Variants in DDR2 observed in about 807,000 individuals in gnomAD.
DDR2 encodes discoidin domain-containing receptor 2.
Under a neutral mutation model 94.9 loss-of-function variants are expected in DDR2, and 27 were observed. That is an observed-to-expected ratio of 0.28 (90% CI 0.21 to 0.39). The LOEUF (loss-of-function observed/expected upper bound fraction) is 0.39, where lower values mean the gene tolerates loss of function less well. Among genes scored for constraint, DDR2 ranks in the 10% least tolerant of loss-of-function variants. DDR2 has a pLI of 1.00. For missense variants in DDR2, 783 were observed against 1,076.0 expected (o/e 0.73, Z 3.81); for synonymous variants, 382 against 377.2 (o/e 1.01, Z -0.15).
chr1:162,663,955 C>T (rs566562387), intron 2 of DDR2, among the ~76,000 whole-genome samples: 5 of 151,930 alleles, frequency 3.3e-5, no homozygotes, highest in Non-Finnish European at 4.4e-5. Flanking sequence ...GCCCTGTACT[C>T]GGAAATGCAA....
intron 2 of DDR2, among the ~76,000 whole-genome samples, chr1:162,681,124 A>G (rs1361333146): frequency 6.6e-6 from 1 of 152,160 alleles, no homozygotes; most frequent in Non-Finnish European, 1.5e-5. Context: ...ACAGTGTCTT[A>G]ACCTTCCTGG....
intron 17 of DDR2, 111 bp from the exon 18 acceptor site, chr1:162,780,001 A>G (rs1647806008): frequency 1.3e-6 from 2 of 1,517,544 alleles, no homozygotes; most frequent in African/African-American, 2.7e-5. Flanking sequence ...AGTTCAAGAA[A>G]GTGGGCAGGG....
intron 3 of DDR2, among the ~76,000 whole-genome samples, chr1:162,737,973 G>C (rs1472040178): frequency 6.6e-6 from 1 of 151,908 alleles, no homozygotes; most frequent in Admixed American, 6.6e-5. Context: ...AGAAGTGTCC[G>C]TTCATGACAA....
Position 162,673,608 on chromosome 1 carries a change from TGAGAGAGAGAGAGAGA to T in DDR2, c.-28+18257_-28+18272del, listed in dbSNP as rs10684469. Among the ~76,000 whole-genome samples, 304 of 117,244 alleles carry T rather than the reference TGAGAGAGAGAGAGAGA, an allele frequency of 2.6e-3. 1 individual carries two copies. Among genetic ancestry groups the T allele is most frequent in the African/African-American group, 8.5e-3 (282 of 33,266 alleles). 76.9% of individuals were successfully genotyped at this position (117,244 alleles called of 152,430 possible). The stretch of plus-strand genomic sequence containing the variant: ...GTGTGTGTGTGTATGTGTGTGTGTG[TGAGAGAGAGAGAGAGA>T]GAGAGAGAGAGAGAGAGAGAGACAG... On this transcript the variant is annotated intron_variant, in intron 2 of 17. Coordinates refer to ENST00000367921, the MANE Select transcript of DDR2 (RefSeq NM_006182.4).
intron 1 of DDR2, among the ~76,000 whole-genome samples, chr1:162,635,254 C>A (rs1365165176): frequency 2.0e-5 from 3 of 152,158 alleles, no homozygotes; most frequent in Admixed American, 6.5e-5. Context: ...AGTGAATTTA[C>A]TTCAAACCTT....
chr1:162,713,919 T>A (rs1437052970), intron 2 of DDR2, among the ~76,000 whole-genome samples: 1 of 152,174 alleles, frequency 6.6e-6, no homozygotes, highest in Non-Finnish European at 1.5e-5. Flanking sequence ...AATTTATATA[T>A]CCAGCAGCAG....
intron 2 of DDR2, among the ~76,000 whole-genome samples, chr1:162,700,667 C>A (rs1660391406): frequency 6.6e-6 from 1 of 152,136 alleles, no homozygotes; most frequent in Admixed American, 6.6e-5. Context: ...TTAAAGCATA[C>A]ATTGTAACCA....
intron 1 of DDR2, among the ~76,000 whole-genome samples, chr1:162,651,710 A>T (rs1183259390): frequency 6.6e-6 from 1 of 152,228 alleles, no homozygotes; most frequent in Admixed American, 6.5e-5. Flanking sequence ...TAAAACAATA[A>T]TCTATTGAAA....
chr1:162,759,630 C>G (rs568470349), intron 7 of DDR2, among the ~76,000 whole-genome samples, 166 bp from the exon 8 acceptor site: 6 of 152,092 alleles, frequency 3.9e-5, no homozygotes. Flanking sequence ...GCAAGATAAA[C>G]GAGTCAATAC....
intron 12 of DDR2, 61 bp from the exon 13 acceptor site, chr1:162,771,963 T>G (rs1338614234): frequency 2.0e-6 from 3 of 1,530,570 alleles, no homozygotes; most frequent in East Asian, 2.4e-5. Flanking sequence ...CAGAGTTCCT[T>G]CCTGAAGAGA....
chr1:162,694,166 C>G (rs993160486), intron 2 of DDR2, among the ~76,000 whole-genome samples: 8 of 152,136 alleles, frequency 5.3e-5, no homozygotes, highest in Non-Finnish European at 1.0e-4. Flanking sequence ...TCTGCCTTCC[C>G]GTTTCCATTT....
intron 3 of DDR2, among the ~76,000 whole-genome samples, chr1:162,746,055 G>A (rs946940893): frequency 2.0e-5 from 3 of 152,226 alleles, no homozygotes; most frequent in Non-Finnish European, 2.9e-5. Flanking sequence ...CCCAGTGTGA[G>A]CAACGCAGAA....
At chr1:162,715,306 T>A (rs1398988358) in intron 2 of DDR2, among the ~76,000 whole-genome samples, 1 of 152,234 alleles carries the variant, frequency 6.6e-6, no homozygotes, top group East Asian at 1.9e-4. Context: ...GAATATATAA[T>A]GAGAAACTAT....
intron 3 of DDR2, among the ~76,000 whole-genome samples, chr1:162,749,958 C>G (rs1026713075): frequency 4.9e-4 from 75 of 152,340 alleles, no homozygotes; most frequent in African/African-American, 1.8e-3. Context: ...CAAAATTCAA[C>G]AGCCCTTCAT....
chr1:162,645,658 G>C (rs1657370708), intron 1 of DDR2, among the ~76,000 whole-genome samples: 1 of 152,156 alleles, frequency 6.6e-6, no homozygotes, highest in African/African-American at 2.4e-5. Flanking sequence ...ATGCCTGTTA[G>C]TGTAAGTATG....
At chr1:162,654,733 T>G (rs1657873329) in intron 1 of DDR2, among the ~76,000 whole-genome samples, 1 of 152,138 alleles carries the variant, frequency 6.6e-6, no homozygotes, top group Non-Finnish European at 1.5e-5. Context: ...TTATTCTCAT[T>G]CTCTCACGAG....
intron 3 of DDR2, among the ~76,000 whole-genome samples, chr1:162,725,022 T>C (rs943061024): frequency 1.3e-5 from 2 of 152,152 alleles, no homozygotes; most frequent in Non-Finnish European, 2.9e-5. Context: ...ATCTGCCCCT[T>C]GAGCCCTCTT....
In DDR2 at chr1:162,762,053, C is replaced by T. The variant is rs76149944; in HGVS notation, c.1099+599C>T. ...ATAATTTCTTAATACCACCCAATAT[C>T]CTGTCCATATTCAAGTATGACTAAC... is the stretch of plus-strand genomic sequence containing the variant. On this transcript the variant is annotated intron_variant, in intron 9 of 17. Coordinates refer to ENST00000367921, the MANE Select transcript of DDR2 (RefSeq NM_006182.4). 5.2e-3 allele frequency among the ~76,000 whole-genome samples: 786 copies of T among 152,240 alleles called. 7 individuals are homozygous for T. The highest frequency in any genetic ancestry group is 0.018 in the African/African-American group (761 of 41,528).
At chr1:162,769,500 G>A (rs975097009) in intron 11 of DDR2, among the ~76,000 whole-genome samples, 8 of 152,158 alleles carry the variant, frequency 5.3e-5, no homozygotes, top group Non-Finnish European at 4.4e-5. Context: ...TTAGTACTGG[G>A]GATATTACTG....
Sources: allele counts gnomAD v4.1 joint callset (sites outside exome capture counted in the v4.1 genomes callset), GRCh38; gene constraint gnomAD v4.1.1; transcripts MANE v1.5; gene names NCBI Gene and HGNC (gene_info 2026-07-23, HGNC 2026-07-21).